Variants in DEAF1 observed in about 807,000 individuals in gnomAD.
DEAF1 encodes the protein deformed epidermal autoregulatory factor 1 homolog.
DEAF1 carries 53 observed loss-of-function variants against 58.9 expected under a neutral mutation model. That is an observed-to-expected ratio of 0.90 (90% confidence interval 0.72 to 1.13). The LOEUF is 1.13. Among genes scored for constraint, DEAF1 ranks in the 50% most tolerant of loss-of-function variants. The pLI is 0.00. For synonymous variants in DEAF1, 385 were observed against 340.4 expected (o/e 1.13, Z -1.44); for missense variants, 685 against 791.4 (o/e 0.87, Z 1.61).
intron 1 of DEAF1, among the ~76,000 whole-genome samples, chr11:702,188 C>A (rs1031414488): frequency 1.3e-5 from 2 of 152,170 alleles, no homozygotes; most frequent in African/African-American, 4.8e-5. Context: ...AGGATGGAGG[C>A]GAGTTCTCTC....
At chr11:651,444 A>C (rs746673871) in intron 11 of DEAF1, 1 of 324,366 alleles carries the variant, frequency 3.1e-6, no homozygotes, top group African/African-American at 2.3e-5. Context: ...AATAAAAAAT[A>C]AAAAACTTAT....
chr11:650,101 G>A (rs554446579), intron 11 of DEAF1, among the ~76,000 whole-genome samples: 2 of 151,616 alleles, frequency 1.3e-5, no homozygotes, highest in South Asian at 4.2e-4. Flanking sequence ...AGAGACTAGT[G>A]TGGTGGTTCA....
rs536492807 is a variant in DEAF1 at position 685,453 on chromosome 11, G to A, written c.805-490C>T. Among the ~76,000 whole-genome samples the A allele has an allele frequency of 7.2e-5, 11 of 152,318 alleles. No individual in the cohort carries two copies. In the South Asian group the frequency reaches 1.9e-3, roughly 26 times the overall value. ...CTCATGCCTGTAATCCCAGGACTTT[G>A]AGAGGCCGACGCAGGCAGACCACCT... On this transcript the variant is annotated intron_variant, in intron 5 of 11. Coordinates refer to ENST00000382409, the MANE Select transcript of DEAF1 (RefSeq NM_021008.4).
At chr11:678,432 G>A in intron 9 of DEAF1, 1 of 427,078 alleles carries the variant, frequency 2.3e-6, no homozygotes, top group South Asian at 2.0e-5. Context: ...GGCTTCACAG[G>A]CCAACTGGTT....
chr11:671,224 G>A (rs1256957517), intron 10 of DEAF1, among the ~76,000 whole-genome samples: 3 of 150,056 alleles, frequency 2.0e-5, no homozygotes, highest in Non-Finnish European at 4.4e-5. Flanking sequence ...CACCGCGCCT[G>A]GACTTTTTGT....
At position 644,402 on chromosome 11, in the gene DEAF1, AGT is replaced by A. The variant is rs1858380478; in HGVS notation, c.*146_*147del. ...GCTTCCCAGGGCACCATTCGCTTAA[AGT>A]GTGTTAATGACTTGTCCAGCAAGTT... On this transcript the variant is annotated 3_prime_UTR_variant, in exon 12 of 12. Transcript: ENST00000382409. This position sits in a 1 kb window ranked among gnomAD's most constrained non-coding sequence, Gnocchi z 4.3. The A allele has an allele frequency of 1.4e-6, 1 of 704,656 alleles. No homozygotes were observed. The highest frequency in any genetic ancestry group is 1.5e-5 in the South Asian group (1 of 65,660). 43.7% of individuals were successfully genotyped at this position (704,656 alleles called of 1,614,324 possible).
In DEAF1 at chr11:649,609, A is replaced by G. The variant is rs1036849986; in HGVS notation, c.1593+4353T>C. 2.0e-5 allele frequency among the ~76,000 whole-genome samples: 3 copies of G among 151,640 alleles called. No homozygotes were observed. The South Asian group carries it at 6.3e-4, about 32-fold the overall frequency. ...ATGGCACACTCCTGCAGTCCCAGTT[A>G]CTCGGGAGAATGAGGCACGAGAATC... On this transcript the variant is annotated intron_variant, in intron 11 of 11. Coordinates refer to ENST00000382409, the MANE Select transcript of DEAF1 (RefSeq NM_021008.4).
chr11:661,838 CCATT>C (rs572781333), intron 10 of DEAF1, among the ~76,000 whole-genome samples: 212 of 152,328 alleles, frequency 1.4e-3, no homozygotes, highest in Non-Finnish European at 2.5e-3. Flanking sequence ...GTGGACCTTT[CCATT>C]CAGAGACAGC....
At chr11:694,549 G>T in intron 1 of DEAF1, 1 of 396,108 alleles carries the variant, frequency 2.5e-6, no homozygotes, top group Non-Finnish European at 4.4e-6. Flanking sequence ...TAGTCACGTG[G>T]GGCAGGTGTG....
At chr11:678,590 C>T in intron 9 of DEAF1, 104 bp downstream of exon 9, 2 of 1,572,918 alleles carry the variant, frequency 1.3e-6, no homozygotes, top group Non-Finnish European at 1.7e-6. Flanking sequence ...TCAACAAAAA[C>T]AACAAACCAA....
intron 8 of DEAF1, 69 bp downstream of exon 8, chr11:679,619 C>T (rs1418057007): frequency 1.2e-5 from 19 of 1,599,468 alleles, no homozygotes; most frequent in South Asian, 2.2e-5. Context: ...CCCAATGTGG[C>T]GTCGGGGATG....
intron 5 of DEAF1, among the ~76,000 whole-genome samples, chr11:686,231 G>A (rs2133399586): frequency 6.7e-6 from 1 of 149,380 alleles, no homozygotes; most frequent in East Asian, 2.0e-4. Context: ...GGTGGAGGTT[G>A]CTGTGAGCCA....
chr11:700,978 G>A (rs942561526), intron 1 of DEAF1: 2 of 433,142 alleles, frequency 4.6e-6, no homozygotes, highest in Non-Finnish European at 8.1e-6. Flanking sequence ...ATGGCACTGA[G>A]ATCAGAAAAG....
chr11:702,873 C>T (rs370348553), intron 1 of DEAF1: 6 of 1,452,354 alleles, frequency 4.1e-6, no homozygotes, highest in Admixed American at 4.0e-5. Flanking sequence ...AGCAGCCCTC[C>T]AGGCACCTGT....
rs1043947136 is a variant in DEAF1, at chr11:688,192, A to G, written c.518-135T>C. On this transcript the variant is annotated intron_variant, in intron 3 of 11. Transcript: ENST00000382409. This position sits in a 1 kb window ranked among gnomAD's most constrained non-coding sequence, Gnocchi z 4.3. ...AAACTTCTTGGTCAGGAAAATTCCA[A>G]TGCTTTTACTTAAAATCTATTAATA... 2.2e-5 allele frequency: 33 copies of G among 1,523,774 alleles called. No homozygotes were observed. The highest frequency in any genetic ancestry group is 2.8e-5 in the Non-Finnish European group (31 of 1,123,244). The allele number at this position is 1,523,774 out of a possible 1,614,324, so 94.4% of individuals were successfully genotyped here. A position where few individuals can be genotyped will look rare whatever the true frequency, so the allele number is the denominator to read the frequency against.
intron 10 of DEAF1, among the ~76,000 whole-genome samples, chr11:669,124 CCTTT>C (rs1334843657): frequency 3.6e-4 from 45 of 124,340 alleles, no homozygotes; most frequent in African/African-American, 1.3e-3. Flanking sequence ...TGCACCCGAC[CCTTT>C]TTTTTTTTTT....
At position 679,701 on chromosome 11, in the gene DEAF1, G is replaced by T; in HGVS notation, c.1113C>A (p.Phe371Leu). The T allele has an allele frequency of 6.2e-7, 1 of 1,612,668 alleles. No homozygotes were observed. The change falls in exon 8 of 12, where the codon TTC becomes TTA. Residue 371 changes from phenylalanine (F) to leucine (L), a missense_variant. Transcript: ENST00000382409. ...GGAGCAGCTCACCTGTGGCCCCTGC[G>T]AAGACGTCGCCCTGGGCCGGACTCT... ...ISESPAQGDV[F>L]AGATVQEASV...
chr11:682,868 T>C (rs745701209), intron 6 of DEAF1, among the ~76,000 whole-genome samples: 46 of 152,134 alleles, frequency 3.0e-4, no homozygotes, highest in Non-Finnish European at 4.7e-4. Flanking sequence ...TGAGAAATGC[T>C]GGTGGCCTGC....
intron 8 of DEAF1, among the ~76,000 whole-genome samples, chr11:679,037 G>A (rs1860212851): frequency 6.6e-6 from 1 of 152,186 alleles, no homozygotes; most frequent in Admixed American, 6.5e-5. Flanking sequence ...ATCAGGCCGG[G>A]CGCGGTGGCT....
Sources: allele counts gnomAD v4.1 joint callset (sites outside exome capture counted in the v4.1 genomes callset), GRCh38; gene constraint gnomAD v4.1.1; non-coding constraint Gnocchi (gnomAD v3.1); transcripts MANE v1.5; gene names NCBI Gene and HGNC (gene_info 2026-07-23, HGNC 2026-07-21).